The following TCAF1 variants were observed in gnomAD, a reference collection of about 807,000 sequenced individuals.
TCAF1 encodes the protein TRPM8 channel-associated factor 1.
In TCAF1, 4 loss-of-function variants were observed where a neutral mutation model predicts 27.3. The ratio of observed to expected loss-of-function variants is 0.15; its 90% CI spans 0.07 to 0.34. TCAF1 has a LOEUF of 0.34. Ranked by LOEUF, TCAF1 falls within the 10% of genes least tolerant of loss-of-function variation. The pLI, the probability that TCAF1 is intolerant of heterozygous loss-of-function variation, is 1.00. For missense variants in TCAF1, 257 were observed against 425.8 expected, an observed-to-expected ratio of 0.60 and a Z score of 3.49; for synonymous variants, 105 against 167.1, an observed-to-expected ratio of 0.63 and a Z score of 2.87.
intron 1 of TCAF1, among the ~76,000 whole-genome samples, chr7:143,893,263 T>G (rs1813732445): frequency 6.6e-6 from 1 of 152,060 alleles, no homozygotes; most frequent in Non-Finnish European, 1.5e-5. Flanking sequence ...ACTTCAAAAT[T>G]TATAAAGCAA....
At chr7:143,889,812 C>A (rs555487176) in intron 1 of TCAF1, among the ~76,000 whole-genome samples, 1 of 152,226 alleles carries the variant, frequency 6.6e-6, no homozygotes, top group Admixed American at 6.5e-5. Flanking sequence ...AGGAAAACAC[C>A]CAGGAAAGCT....
chr7:143,894,909 T>C (rs1313532539), intron 1 of TCAF1, among the ~76,000 whole-genome samples: 1 of 151,546 alleles, frequency 6.6e-6, no homozygotes, highest in South Asian at 2.1e-4. Flanking sequence ...TACCCCCAAA[T>C]AGACAAAATA....
chr7:143,875,115 G>C (rs1164608180), intron 2 of TCAF1, among the ~76,000 whole-genome samples: 1 of 152,142 alleles, frequency 6.6e-6, no homozygotes, highest in Non-Finnish European at 1.5e-5. Flanking sequence ...AGTACCCTTG[G>C]TGTGTCGTCC....
chr7:143,897,610 G>T (rs1310571673), intron 1 of TCAF1, among the ~76,000 whole-genome samples: 1 of 151,842 alleles, frequency 6.6e-6, no homozygotes, highest in Non-Finnish European at 1.5e-5. Flanking sequence ...TATATATATT[G>T]AATAAACATA....
At chr7:143,886,544 T>C (rs1483348995) in intron 1 of TCAF1, 3 of 984,742 alleles carry the variant, frequency 3.0e-6, no homozygotes, top group Non-Finnish European at 3.6e-6. Flanking sequence ...ACTGGATGGA[T>C]GGATGAAATG....
chr7:143,889,874 T>C (rs1562970874), intron 1 of TCAF1, among the ~76,000 whole-genome samples: 1 of 152,230 alleles, frequency 6.6e-6, no homozygotes. Flanking sequence ...ATTCCTCTCA[T>C]CAACTAAGGG....
At chr7:143,898,724 T>C (rs537144274) in intron 1 of TCAF1, among the ~76,000 whole-genome samples, 29 of 152,326 alleles carry the variant, frequency 1.9e-4, no homozygotes, top group African/African-American at 7.0e-4. Flanking sequence ...AGGGCCAATG[T>C]CTTAGAAATA....
intron 1 of TCAF1, among the ~76,000 whole-genome samples, chr7:143,880,686 G>A (rs779985115): frequency 3.3e-5 from 5 of 152,112 alleles, no homozygotes; most frequent in Non-Finnish European, 7.4e-5. Flanking sequence ...GACCTAAAAG[G>A]TCTTCCTCCA....
rs752243935 is a variant in TCAF1, at chr7:143,876,576, A to G, written c.33T>C (p.Leu11=). MATPSAAFEA[L]MNGVTSWDVP... ...CATCCCAGCTTGTCACACCATTCAT[A>G]AGGGCCTCGAAGGCAGCAGAGGGAG... Residue 11 remains leucine (L), a synonymous_variant, in exon 2 of 9, where the codon CTT becomes CTC. Transcript: ENST00000479870. 1 of 1,518,310 alleles carries G rather than the reference A, an allele frequency of 6.6e-7. No individual in the cohort carries two copies. Among genetic ancestry groups the G allele is most frequent in the Non-Finnish European group, 8.8e-7 (1 of 1,136,574 alleles). 94.1% of individuals were successfully genotyped at this position (1,518,310 alleles called of 1,614,324 possible).
At chr7:143,878,817 C>T (rs1369936229) in intron 1 of TCAF1, among the ~76,000 whole-genome samples, 1 of 152,204 alleles carries the variant, frequency 6.6e-6, no homozygotes, top group Non-Finnish European at 1.5e-5. Context: ...TATTAATGTC[C>T]TTGTTCATGG....
At chr7:143,877,387 C>CA (rs1454746047) in intron 1 of TCAF1, among the ~76,000 whole-genome samples, 1 of 152,144 alleles carries the variant, frequency 6.6e-6, no homozygotes, top group African/African-American at 2.4e-5. Flanking sequence ...TTGGAGAACT[C>CA]AGAACTTCCA....
intron 1 of TCAF1, among the ~76,000 whole-genome samples, chr7:143,880,655 T>G (rs981527848): frequency 2.6e-5 from 4 of 152,196 alleles, no homozygotes; most frequent in Non-Finnish European, 5.9e-5. Flanking sequence ...GGTAGACTGA[T>G]CAACTGATCC....
chr7:143,881,094 G>A (rs954861202), intron 1 of TCAF1, among the ~76,000 whole-genome samples: 1 of 152,158 alleles, frequency 6.6e-6, no homozygotes, highest in Admixed American at 6.5e-5. Flanking sequence ...GCCATGGCTC[G>A]TAAACCTGGT....
chr7:143,891,738 T>C (rs905175965), intron 1 of TCAF1, among the ~76,000 whole-genome samples: 12 of 152,130 alleles, frequency 7.9e-5, no homozygotes, highest in Non-Finnish European at 1.5e-4. Flanking sequence ...AATTAATGAT[T>C]TGAAAAACAT....
At chr7:143,898,607 C>T (rs562061141) in intron 1 of TCAF1, among the ~76,000 whole-genome samples, 3 of 152,080 alleles carry the variant, frequency 2.0e-5, no homozygotes, top group South Asian at 2.1e-4. Flanking sequence ...AAAAATATGA[C>T]GTGCCTAGAA....
At chr7:143,887,161 G>A (rs377034973) in intron 1 of TCAF1, among the ~76,000 whole-genome samples, 147 of 152,170 alleles carry the variant, frequency 9.7e-4, no homozygotes, top group African/African-American at 3.3e-3. Flanking sequence ...TCTGAGTAAC[G>A]AAGACTGCTA....
At chr7:143,880,827 A>G (rs534632477) in intron 1 of TCAF1, among the ~76,000 whole-genome samples, 65 of 152,236 alleles carry the variant, frequency 4.3e-4, no homozygotes, top group Middle Eastern at 3.4e-3. Context: ...TGACTTTTGA[A>G]CCAAATGCTC....
intron 1 of TCAF1, among the ~76,000 whole-genome samples, chr7:143,881,751 T>G (rs1813038172): frequency 6.6e-6 from 1 of 152,080 alleles, no homozygotes; most frequent in Admixed American, 6.5e-5. Context: ...GAGTCTTTGC[T>G]TCTTCTAGTC....
intron 1 of TCAF1, among the ~76,000 whole-genome samples, chr7:143,889,879 TA>T (rs1024997994): frequency 2.6e-5 from 4 of 152,220 alleles, no homozygotes; most frequent in African/African-American, 9.6e-5. Flanking sequence ...TCTCATCAAC[TA>T]AGGGCAATTT....
Sources: gnomAD v4.1 joint callset for allele counts (sites outside exome capture counted in the v4.1 genomes callset) on GRCh38, gnomAD v4.1.1 for gene constraint, MANE v1.5 for transcripts, NCBI Gene and HGNC (gene_info 2026-07-23, HGNC 2026-07-21) for gene names.